DMD: variants seen among roughly 807,000 people sequenced by gnomAD.
The protein encoded by DMD is dystrophin.
DMD carries 63 observed loss-of-function variants against 330.1 expected under a neutral mutation model. The observed-to-expected ratio is 0.19, with a 90% CI of 0.16 to 0.24. The LOEUF is 0.24. Ranked by LOEUF, DMD falls within the 10% of genes least tolerant of loss-of-function variation. The pLI, the probability that DMD is intolerant of heterozygous loss-of-function variation, is 1.00. For synonymous variants in DMD, 1,223 were observed against 959.8 expected, an observed-to-expected ratio of 1.27 and a Z score of -5.07; for missense variants, 3,344 against 2,684.1, an observed-to-expected ratio of 1.25 and a Z score of -5.43.
chrX:31,962,568 G>T (rs1029326975), intron 45 of DMD, among the ~76,000 whole-genome samples: 3 of 112,292 alleles, frequency 2.7e-5, no homozygotes, highest in African/African-American at 9.7e-5. Flanking sequence ...TTACTCAGTT[G>T]TAGGTGATGG....
At chrX:31,179,006 A>T (rs1431705421) in intron 69 of DMD, among the ~76,000 whole-genome samples, 1 of 111,887 alleles carries the variant, frequency 8.9e-6, no homozygotes, top group Non-Finnish European at 1.9e-5. Flanking sequence ...TTTACTTCTC[A>T]GAGGCTCTGA....
chrX:32,814,657 A>G (rs1381322869), intron 6 of DMD, among the ~76,000 whole-genome samples: 1 of 112,053 alleles, frequency 8.9e-6, no homozygotes, highest in East Asian at 2.8e-4. Flanking sequence ...ATGACAGGAG[A>G]GAGTATATAA....
chrX:31,599,478 A>G (rs1287276224), intron 55 of DMD, among the ~76,000 whole-genome samples: 3 of 112,415 alleles, frequency 2.7e-5, no homozygotes, highest in Non-Finnish European at 5.6e-5. Context: ...TAAGAGGGAA[A>G]TAAGAGGAAC....
intron 55 of DMD, among the ~76,000 whole-genome samples, chrX:31,620,414 ATTTT>A (rs796904162): frequency 1.0e-5 from 1 of 97,649 alleles, no homozygotes; most frequent in African/African-American, 3.8e-5. Context: ...CCATGACATA[ATTTT>A]TTTTTTTTTT....
At chrX:31,970,465 G>T (rs1165231610) in intron 44 of DMD, among the ~76,000 whole-genome samples, 1 of 105,166 alleles carries the variant, frequency 9.5e-6, no homozygotes, top group African/African-American at 3.9e-5. Flanking sequence ...ACTACATACA[G>T]TAGGATAAAA....
intron 56 of DMD, among the ~76,000 whole-genome samples, chrX:31,506,364 C>T (rs746672153): frequency 3.6e-5 from 4 of 111,665 alleles, no homozygotes; most frequent in Non-Finnish European, 5.7e-5. Flanking sequence ...TTATTAAGTC[C>T]ATTTGGTCAT....
chrX:32,233,518 T>C (rs2097175853), intron 43 of DMD, among the ~76,000 whole-genome samples: 1 of 87,374 alleles, frequency 1.1e-5, no homozygotes, highest in South Asian at 4.7e-4. Flanking sequence ...TCTTTCACAA[T>C]ACAATAAATT....
intron 1 of DMD, among the ~76,000 whole-genome samples, chrX:33,077,186 T>C (rs1276838956): frequency 9.0e-6 from 1 of 111,265 alleles, no homozygotes; most frequent in African/African-American, 3.3e-5. Flanking sequence ...TAAACCATAA[T>C]TTCTAACACT....
At chrX:32,992,765 G>T (rs779839557) in intron 2 of DMD, among the ~76,000 whole-genome samples, 75 of 109,257 alleles carry the variant, frequency 6.9e-4, no homozygotes, top group African/African-American at 2.4e-3. Flanking sequence ...AATTAGCTGG[G>T]CATGGTGGCA....
At chrX:32,749,790 C>CA (rs1215150339) in intron 7 of DMD, among the ~76,000 whole-genome samples, 1 of 111,675 alleles carries the variant, frequency 9.0e-6, no homozygotes, top group Non-Finnish European at 1.9e-5. Flanking sequence ...CTGTAAACAA[C>CA]AAAAAAATGA....
chrX:31,942,307 A>C (rs1378828785), intron 45 of DMD, among the ~76,000 whole-genome samples: 3 of 111,696 alleles, frequency 2.7e-5, no homozygotes, highest in Non-Finnish European at 5.7e-5. Context: ...TCCACTCTTT[A>C]CACTTCAGAA....
intron 4 of DMD, among the ~76,000 whole-genome samples, chrX:32,831,452 G>T (rs955386474): frequency 3.5e-4 from 39 of 110,804 alleles, no homozygotes; most frequent in African/African-American, 1.2e-3. Context: ...TTGCTTTACA[G>T]AAAGAAGAAT....
intron 6 of DMD, among the ~76,000 whole-genome samples, chrX:32,811,212 G>T (rs1054198980): frequency 9.3e-6 from 1 of 108,083 alleles, no homozygotes; most frequent in African/African-American, 3.4e-5. Flanking sequence ...AAGTGTGCTG[G>T]CATGCCCCTG....
chrX:33,021,044 T>C (rs761299231), intron 1 of DMD, among the ~76,000 whole-genome samples: 6 of 111,302 alleles, frequency 5.4e-5, no homozygotes, highest in Admixed American at 9.6e-5. Flanking sequence ...AGAAAATACA[T>C]CTGACAAATA....
intron 43 of DMD, among the ~76,000 whole-genome samples, chrX:32,252,689 T>TATAA (rs1202830008): frequency 5.2e-5 from 2 of 38,782 alleles, no homozygotes; most frequent in South Asian, 1.0e-3. Context: ...TATATAAATA[T>TATAA]ATATATAAAT....
chrX:31,547,309 G>T (rs188433036), intron 55 of DMD, among the ~76,000 whole-genome samples: 1 of 112,022 alleles, frequency 8.9e-6, no homozygotes, highest in Admixed American at 9.5e-5. Flanking sequence ...CTAGCACCAC[G>T]CTAAGATTGG....
At chrX:32,865,245 T>G (rs2082389482) in intron 2 of DMD, among the ~76,000 whole-genome samples, 1 of 111,189 alleles carries the variant, frequency 9.0e-6, no homozygotes, top group Admixed American at 9.7e-5. Context: ...TTTCACAGCT[T>G]TTGTAATAGC....
intron 63 of DMD, among the ~76,000 whole-genome samples, chrX:31,233,806 CA>C (rs1326194080): frequency 8.9e-6 from 1 of 111,948 alleles, no homozygotes; most frequent in Non-Finnish European, 1.9e-5. Context: ...ATCTTTCTCC[CA>C]AAACTCCATT....
intron 44 of DMD, among the ~76,000 whole-genome samples, chrX:32,003,634 G>A (rs1173165916): frequency 9.0e-6 from 1 of 111,264 alleles, no homozygotes; most frequent in Non-Finnish European, 1.9e-5. Context: ...ATTTTGTGAG[G>A]ATATATATGA....
Sources: gnomAD v4.1 joint callset for allele counts (sites outside exome capture counted in the v4.1 genomes callset) on GRCh38, gnomAD v4.1.1 for gene constraint, MANE v1.5 for transcripts, NCBI Gene and HGNC (gene_info 2026-07-23, HGNC 2026-07-21) for gene names.